Variants in PRPF18 observed in about 807,000 individuals in gnomAD.
The protein encoded by PRPF18 is pre-mRNA processing factor 18, also known as pre-mRNA-splicing factor 18.
Under a neutral mutation model 46.5 loss-of-function variants are expected in PRPF18, and 38 were observed. The observed-to-expected ratio is 0.82, with a 90% CI of 0.63 to 1.07. PRPF18 has a LOEUF of 1.07. Among genes scored for constraint, PRPF18 ranks in the 50% least tolerant of loss-of-function variants. PRPF18 has a pLI of 0.00. For synonymous variants in PRPF18, 152 were observed against 146.7 expected, an observed-to-expected ratio of 1.04 and a Z score of -0.26; for missense variants, 263 against 410.0, an observed-to-expected ratio of 0.64 and a Z score of 3.10.
chr10:13,616,158 T>C (rs2080337924), intron 8 of PRPF18, among the ~76,000 whole-genome samples: 1 of 152,240 alleles, frequency 6.6e-6, no homozygotes, highest in South Asian at 2.1e-4. Flanking sequence ...TGCCTTTTTT[T>C]TACTCACAAC....
At chr10:13,637,549 G>T in the PRPF18 span, among the ~76,000 whole-genome samples, 1 of 152,064 alleles carries the variant, frequency 6.6e-6, no homozygotes, top group African/African-American at 2.4e-5. Flanking sequence ...TTTTCTGACT[G>T]ATTTATAGTA....
At chr10:13,631,580 AGTT>A (rs1407836203), downstream of PRPF18, 1 of 152,278 alleles carries the variant, frequency 6.6e-6, no homozygotes, top group East Asian at 1.9e-4. Flanking sequence ...CGTAAATATT[AGTT>A]GTTGTGTCAC....
At chr10:13,613,224 G>A (rs951039453) in intron 6 of PRPF18, among the ~76,000 whole-genome samples, 1 of 152,032 alleles carries the variant, frequency 6.6e-6, no homozygotes, top group Admixed American at 6.5e-5. Flanking sequence ...TTAAACCCAA[G>A]GGGCACTGAG....
downstream of PRPF18, among the ~76,000 whole-genome samples, chr10:13,634,099 AC>A (rs139277830): frequency 1.1e-3 from 172 of 152,344 alleles, 3 homozygotes; most frequent in East Asian, 0.027. Context: ...GTGTGAGCTG[AC>A]CCCATTCAGA....
intron 1 of PRPF18, among the ~76,000 whole-genome samples, chr10:13,592,774 T>G (rs2079982679): frequency 6.6e-6 from 1 of 152,180 alleles, no homozygotes; most frequent in African/African-American, 2.4e-5. Context: ...GTTTTACTAG[T>G]TGTAGTTATG....
chr10:13,611,342 A>G (rs2080266320), intron 5 of PRPF18, among the ~76,000 whole-genome samples: 1 of 152,202 alleles, frequency 6.6e-6, no homozygotes, highest in Admixed American at 6.5e-5. Context: ...CATTATCACA[A>G]TCTAATTTTA....
At chr10:13,587,277 C>CAGGGGTAGTGGCAGG in intron 1 of PRPF18, 125 bp downstream of exon 1, 5 of 1,029,754 alleles carry the variant, frequency 4.9e-6, no homozygotes, top group African/African-American at 1.6e-5. Context: ...AGTGTCCTGC[C>CAGGGGTAGTGGCAGG]ACTACCCCTG....
chr10:13,588,636 AT>A, intron 1 of PRPF18, among the ~76,000 whole-genome samples: 1 of 152,102 alleles, frequency 6.6e-6, no homozygotes, highest in Non-Finnish European at 1.5e-5. Context: ...AATTTTTTAA[AT>A]TCTATTCCTC....
At chr10:13,618,971 G>T (rs188633640) in intron 9 of PRPF18, among the ~76,000 whole-genome samples, 2 of 152,282 alleles carry the variant, frequency 1.3e-5, no homozygotes, top group East Asian at 3.9e-4. Flanking sequence ...TTTTTCCATG[G>T]ATCGGGGAGG....
intron 3 of PRPF18, 107 bp downstream of exon 3, chr10:13,600,455 C>T: frequency 1.3e-6 from 1 of 788,808 alleles, no homozygotes; most frequent in Non-Finnish European, 1.9e-6. Context: ...CGTAAAATGA[C>T]TTATCTAAAA....
the PRPF18 span, chr10:13,647,760 G>A: frequency 1.4e-5 from 2 of 147,020 alleles, no homozygotes; most frequent in African/African-American, 2.5e-5. Context: ...AGTATTTTAG[G>A]GAGGTATCAC....
chr10:13,627,897 G>A lies in PRPF18; in HGVS notation c.949-2363G>A, dbSNP rs1306488702. On this transcript the variant is annotated intron_variant, in intron 9 of 9. Coordinates refer to ENST00000378572, the MANE Select transcript of PRPF18 (RefSeq NM_003675.4). The stretch of plus-strand genomic sequence containing the variant: ...ATAACAATTCTTGCCATGCTCTGCT[G>A]CTGAGTGAAGCTATTTGTATTTCAT... Among the ~76,000 whole-genome samples the A allele has an allele frequency of 5.3e-5, 8 of 152,342 alleles. No individual in the cohort carries two copies. The East Asian group carries it at 1.5e-3, about 29-fold the overall frequency.
chr10:13,628,920 C>G (rs2080551148), intron 9 of PRPF18, among the ~76,000 whole-genome samples: 1 of 152,096 alleles, frequency 6.6e-6, no homozygotes, highest in South Asian at 2.1e-4. Context: ...TTGCCCTGGC[C>G]TGTTTGCGCA....
intron 1 of PRPF18, chr10:13,592,297 C>T (rs892277782): frequency 2.7e-5 from 11 of 410,370 alleles, no homozygotes; most frequent in Admixed American, 1.3e-4. Context: ...CTTTAGTATC[C>T]GGCTTCTCAA....
intron 5 of PRPF18, among the ~76,000 whole-genome samples, chr10:13,610,734 A>T (rs1464849534): frequency 6.6e-6 from 1 of 152,152 alleles, no homozygotes; most frequent in African/African-American, 2.4e-5. Flanking sequence ...CATAACCACG[A>T]TGGCCTAGCA....
chr10:13,632,541 G>A (rs2080599503), downstream of PRPF18: 1 of 152,080 alleles, frequency 6.6e-6, no homozygotes, highest in African/African-American at 2.4e-5. Context: ...TTAATTTCTT[G>A]TTGTCTTCTG....
At chr10:13,607,950 G>C (rs1349851049) in intron 4 of PRPF18, among the ~76,000 whole-genome samples, 1 of 152,180 alleles carries the variant, frequency 6.6e-6, no homozygotes, top group Non-Finnish European at 1.5e-5. Context: ...TGTCAGTGAT[G>C]ATAGTGTTGT....
rs114004218 is a variant in PRPF18, at chr10:13,594,851, C to T, written c.67-2607C>T. Among the ~76,000 whole-genome samples, 1,302 of 152,274 alleles carry T rather than the reference C, an allele frequency of 8.6e-3. 17 individuals carry two copies. The highest frequency in any genetic ancestry group is 0.03 in the African/African-American group (1,229 of 41,532). On this transcript the variant is annotated intron_variant, in intron 1 of 9. Transcript: ENST00000378572. ...GTTCTGAGAAAATGTCTACCAAACA[C>T]CCAAATCTGACTAATCAAACAATTG...
At chr10:13,611,171 G>T (rs2080263140) in intron 5 of PRPF18, among the ~76,000 whole-genome samples, 1 of 149,318 alleles carries the variant, frequency 6.7e-6, no homozygotes, top group Non-Finnish European at 1.5e-5. Context: ...AATTGGTATG[G>T]GCAACCAGTT....
Sources: gnomAD v4.1 joint callset for allele counts (sites outside exome capture counted in the v4.1 genomes callset) on GRCh38, gnomAD v4.1.1 for gene constraint, MANE v1.5 for transcripts, NCBI Gene and HGNC (gene_info 2026-07-23, HGNC 2026-07-21) for gene names.